ALDH1A2: variants seen among roughly 807,000 people sequenced by gnomAD.
The protein encoded by ALDH1A2 is aldehyde dehydrogenase 1 family member A2.
In ALDH1A2, 27 loss-of-function variants were observed where a neutral mutation model predicts 60.3. That is an observed-to-expected ratio of 0.45 (90% CI 0.33 to 0.62). The LOEUF is 0.62. Among genes scored for constraint, ALDH1A2 ranks in the 20% least tolerant of loss-of-function variants. ALDH1A2 has a pLI of 0.02. For missense variants in ALDH1A2, 581 were observed against 643.8 expected (o/e 0.90, Z 1.06); for synonymous variants, 289 against 232.4 (o/e 1.24, Z -2.21).
intron 3 of ALDH1A2, chr15:58,012,151 G>A (rs1595666078): frequency 6.6e-6 from 1 of 152,082 alleles, no homozygotes; most frequent in African/African-American, 2.4e-5. Context: ...AAAGAGACCT[G>A]ATCAGTGAGA....
At chr15:58,036,421 T>G (rs1896379994) in intron 1 of ALDH1A2, among the ~76,000 whole-genome samples, 1 of 151,632 alleles carries the variant, frequency 6.6e-6, no homozygotes, top group Non-Finnish European at 1.5e-5. Flanking sequence ...AATACATAAA[T>G]TTAAAAAATA....
intron 1 of ALDH1A2, among the ~76,000 whole-genome samples, chr15:58,020,863 G>C (rs901536294): frequency 1.3e-5 from 2 of 152,242 alleles, no homozygotes; most frequent in Middle Eastern, 3.4e-3. Flanking sequence ...TCCCATGGTG[G>C]TGGATTTATC....
chr15:58,016,028 T>C (rs956623613), intron 1 of ALDH1A2, among the ~76,000 whole-genome samples: 1 of 152,170 alleles, frequency 6.6e-6, no homozygotes, highest in South Asian at 2.1e-4. Flanking sequence ...TTGGGTATTA[T>C]CAGGTTTAGG....
intron 1 of ALDH1A2, among the ~76,000 whole-genome samples, chr15:58,015,777 C>G (rs1364813926): frequency 6.6e-6 from 1 of 152,142 alleles, no homozygotes; most frequent in African/African-American, 2.4e-5. Flanking sequence ...ACAATGTGTT[C>G]TTTCCAATAC....
At chr15:58,028,821 A>G (rs1356139105) in intron 1 of ALDH1A2, among the ~76,000 whole-genome samples, 1 of 152,192 alleles carries the variant, frequency 6.6e-6, no homozygotes, top group Non-Finnish European at 1.5e-5. Flanking sequence ...ACATAATGGT[A>G]TAGGGATCAA....
chr15:57,992,822 A>G lies in ALDH1A2; in HGVS notation c.685-4T>C, dbSNP rs1894939472. On this transcript the variant is annotated splice_polypyrimidine_tract_variant and splice_region_variant and intron_variant, in intron 6 of 12. Coordinates refer to ENST00000249750, the MANE Select transcript of ALDH1A2 (RefSeq NM_003888.4). ...TGACCCCGGGAGGAAAGCCAGCCTA[A>G]GAAAACAGAACAGGAGGAAACGTGG... 4 of 1,614,138 alleles carry G rather than the reference A, an allele frequency of 2.5e-6. No homozygotes were observed. Among genetic ancestry groups the G allele is most frequent in the Non-Finnish European group, 3.4e-6 (4 of 1,179,992 alleles).
intron 1 of ALDH1A2, among the ~76,000 whole-genome samples, chr15:58,018,414 A>G (rs555619912): frequency 1.3e-5 from 2 of 152,246 alleles, no homozygotes; most frequent in East Asian, 1.9e-4. Context: ...ATGTGAAGAG[A>G]TGATGGGATT....
At chr15:57,994,175 G>A (rs1205313339) in intron 5 of ALDH1A2, among the ~76,000 whole-genome samples, 1 of 152,154 alleles carries the variant, frequency 6.6e-6, no homozygotes, top group Non-Finnish European at 1.5e-5. Flanking sequence ...CCCAGAGCTG[G>A]TCCAAGTAGG....
intron 7 of ALDH1A2, among the ~76,000 whole-genome samples, chr15:57,978,562 T>C (rs1420028330): frequency 6.6e-6 from 1 of 152,330 alleles, no homozygotes; most frequent in African/African-American, 2.4e-5. Flanking sequence ...TAAGATTTTT[T>C]TTTTCCTTAC....
intron 1 of ALDH1A2, among the ~76,000 whole-genome samples, chr15:58,054,521 T>C (rs1222517692): frequency 6.6e-6 from 1 of 152,120 alleles, no homozygotes; most frequent in African/African-American, 2.4e-5. Context: ...GATCTGATAG[T>C]AATTAAGCCT....
At chr15:58,030,733 C>T (rs1419020585) in intron 1 of ALDH1A2, among the ~76,000 whole-genome samples, 2 of 152,080 alleles carry the variant, frequency 1.3e-5, no homozygotes, top group African/African-American at 2.4e-5. Context: ...CATTCCTATA[C>T]ACCAATAACG....
At chr15:57,959,956 CCT>C (rs764985097) in intron 12 of ALDH1A2, among the ~76,000 whole-genome samples, 21 of 152,136 alleles carry the variant, frequency 1.4e-4, no homozygotes, top group Non-Finnish European at 2.4e-4. Flanking sequence ...CCACTGCTAC[CCT>C]GTTTTGCCCG....
rs189999573 is a variant in ALDH1A2 at position 58,041,873 on chromosome 15, A to C, written c.117+23661T>G. Among the ~76,000 whole-genome samples, 468 of 152,044 alleles carry C rather than the reference A, an allele frequency of 3.1e-3. 3 individuals are homozygous for C. The highest frequency in any genetic ancestry group is 0.011 in the African/African-American group (448 of 41,528). On this transcript the variant is annotated intron_variant, in intron 1 of 12. Transcript: ENST00000249750. ...ACCTAGGATCAAGTTTAGTTTGTAA[A>C]TAGGAACAGTAAGAGATTAACAACT...
intron 7 of ALDH1A2, among the ~76,000 whole-genome samples, chr15:57,981,267 C>G (rs1894493946): frequency 6.8e-6 from 1 of 147,616 alleles, no homozygotes; most frequent in Non-Finnish European, 1.5e-5. Flanking sequence ...GGCAGTCTTC[C>G]AAGAAGTGAA....
chr15:57,978,427 G>A (rs1894352763), intron 7 of ALDH1A2, among the ~76,000 whole-genome samples: 1 of 152,168 alleles, frequency 6.6e-6, no homozygotes. Flanking sequence ...GGACTTTTCT[G>A]TATCTGCTGA....
chr15:57,973,742 T>G (rs923699813), intron 7 of ALDH1A2, among the ~76,000 whole-genome samples: 29 of 152,312 alleles, frequency 1.9e-4, no homozygotes, highest in African/African-American at 7.0e-4. Flanking sequence ...GAGAAGAAAC[T>G]AAGAGATAAC....
chr15:58,016,845 T>A (rs1004038783), intron 1 of ALDH1A2, among the ~76,000 whole-genome samples: 3 of 152,186 alleles, frequency 2.0e-5, no homozygotes, highest in East Asian at 3.8e-4. Context: ...GTGTAATACA[T>A]CTTTCAAAAA....
rs139544020 is a variant in ALDH1A2, at chr15:57,961,628, G to C, written c.1252-334C>G. On this transcript the variant is annotated intron_variant, in intron 10 of 12. Coordinates refer to ENST00000249750, the MANE Select transcript of ALDH1A2 (RefSeq NM_003888.4). ...AACGGAATGCTCTGGACTGTGGGCT[G>C]ATTTGCTCCTTGTCCCTCTCTTGCA... 3.3e-5 allele frequency among the ~76,000 whole-genome samples: 5 copies of C among 152,278 alleles called. No individual in the cohort carries two copies. In the East Asian group the frequency reaches 9.7e-4, roughly 29 times the overall value.
chr15:57,991,561 G>C (rs1414096870), intron 7 of ALDH1A2: 4 of 152,170 alleles, frequency 2.6e-5, no homozygotes, highest in Non-Finnish European at 4.4e-5. Flanking sequence ...TGGCAATGGA[G>C]AACGTGAAAT....
Sources: allele counts gnomAD v4.1 joint callset (sites outside exome capture counted in the v4.1 genomes callset), GRCh38; gene constraint gnomAD v4.1.1; transcripts MANE v1.5; gene names NCBI Gene and HGNC (gene_info 2026-07-23, HGNC 2026-07-21).